The following CYB5R4 variants were observed in gnomAD, a reference collection of about 807,000 sequenced individuals.
CYB5R4 encodes the protein cytochrome b5 reductase 4.
CYB5R4 carries 55 observed loss-of-function variants against 70.2 expected under a neutral mutation model. The ratio of observed to expected loss-of-function variants is 0.78; its 90% confidence interval spans 0.63 to 0.98. CYB5R4 has a LOEUF of 0.98. CYB5R4 is among the 50% of genes least tolerant of loss of function. The pLI is 0.00. For synonymous variants in CYB5R4, 197 were observed against 199.5 expected (o/e 0.99, Z 0.11); for missense variants, 562 against 612.6 (o/e 0.92, Z 0.87).
At position 83,935,783 on chromosome 6, in the gene CYB5R4, C is replaced by T. The variant is rs61756896; in HGVS notation, c.956-441C>T. Among the ~76,000 whole-genome samples the T allele has an allele frequency of 4.2e-3, 635 of 151,968 alleles. 6 individuals carry two copies. Among genetic ancestry groups the T allele is most frequent in the African/African-American group, 0.015 (603 of 41,452 alleles). On this transcript the variant is annotated intron_variant, in intron 11 of 15. Transcript: ENST00000369681. ...AAAGTGAAATTTCTTCCTTTTTCTCCGCCAAATGATCCCATTGGTCATCAG... is the reference window on the plus strand; with the variant it reads ...AAAGTGAAATTTCTTCCTTTTTCTCTGCCAAATGATCCCATTGGTCATCAG...
At position 83,934,604 on chromosome 6, in the gene CYB5R4, A is replaced by G; in HGVS notation, c.824A>G (p.Tyr275Cys). ...ATGAATCACTTTTTAGGTTTGTACT[A>G]CAGAAAGTGCCAGTTAATTTCCAAG... ...LIPRKDTGLY[Y>C]RKCQLISKED... is the part of the protein sequence containing the mutation. Residue 275 changes from tyrosine (Y) to cysteine (C), a missense_variant, in exon 11 of 16, where the codon TAC (tyrosine) becomes TGC (cysteine). Physicochemically the swap from Tyr to Cys is radical, Grantham distance 194. Coordinates refer to ENST00000369681, the MANE Select transcript of CYB5R4 (RefSeq NM_016230.4). The G allele has an allele frequency of 6.2e-7, 1 of 1,609,402 alleles. No individual in the cohort carries two copies. The highest frequency in any genetic ancestry group is 8.5e-7 in the Non-Finnish European group (1 of 1,176,320).
intron 12 of CYB5R4, among the ~76,000 whole-genome samples, chr6:83,938,975 C>A (rs2099469344): frequency 6.6e-6 from 1 of 152,000 alleles, no homozygotes; most frequent in Non-Finnish European, 1.5e-5. Flanking sequence ...GATGGGATTA[C>A]AGGCATGTGC....
At chr6:83,879,042 G>A (rs2099459043) in intron 2 of CYB5R4, among the ~76,000 whole-genome samples, 1 of 152,078 alleles carries the variant, frequency 6.6e-6, no homozygotes, top group South Asian at 2.1e-4. Flanking sequence ...TTGTAGTGGG[G>A]GCAGAAGGGG....
At chr6:83,885,157 G>T (rs757750512) in intron 2 of CYB5R4, among the ~76,000 whole-genome samples, 1 of 152,130 alleles carries the variant, frequency 6.6e-6, no homozygotes, top group Non-Finnish European at 1.5e-5. Context: ...AAATAGAAAA[G>T]TAGCATTGTT....
intron 3 of CYB5R4, among the ~76,000 whole-genome samples, chr6:83,899,090 T>G (rs1326115434): frequency 6.6e-6 from 1 of 152,186 alleles, no homozygotes; most frequent in Non-Finnish European, 1.5e-5. Context: ...AGTATGATAT[T>G]GGCTGTGGGT....
At chr6:83,859,917 T>C (rs2099455672) in intron 1 of CYB5R4, 60 bp downstream of exon 1, 2 of 1,484,798 alleles carry the variant, frequency 1.3e-6, no homozygotes, top group Non-Finnish European at 1.8e-6. Flanking sequence ...GGCAGTGTGT[T>C]CTCTTCTTCC....
chr6:83,949,454 C>T (rs986196655), intron 14 of CYB5R4, among the ~76,000 whole-genome samples: 2 of 152,132 alleles, frequency 1.3e-5, no homozygotes, highest in African/African-American at 4.8e-5. Context: ...TCTTGACCCT[C>T]TCTATATCAC....
chr6:83,958,449 C>A (rs1319219209), intron 15 of CYB5R4, among the ~76,000 whole-genome samples: 1 of 152,136 alleles, frequency 6.6e-6, no homozygotes, highest in African/African-American at 2.4e-5. Flanking sequence ...TCAAAAAAGT[C>A]ATGTGCACAG....
At chr6:83,950,823 A>T (rs865964045) in intron 14 of CYB5R4, among the ~76,000 whole-genome samples, 8 of 152,274 alleles carry the variant, frequency 5.3e-5, no homozygotes, top group Middle Eastern at 3.4e-3. Flanking sequence ...TCATATGCAT[A>T]CCTACCTTTT....
At chr6:83,864,840 A>C (rs2099456495) in intron 2 of CYB5R4, among the ~76,000 whole-genome samples, 1 of 152,204 alleles carries the variant, frequency 6.6e-6, no homozygotes, top group Non-Finnish European at 1.5e-5. Flanking sequence ...AGAGTGCATT[A>C]GAAACTCCAA....
intron 14 of CYB5R4, among the ~76,000 whole-genome samples, chr6:83,953,358 CAT>C (rs1413465570): frequency 1.3e-5 from 2 of 151,280 alleles, no homozygotes; most frequent in Non-Finnish European, 2.9e-5. Context: ...ATTATGGAAA[CAT>C]ATATAATTAT....
At chr6:83,898,438 G>C (rs1165968735) in intron 3 of CYB5R4, among the ~76,000 whole-genome samples, 1 of 152,088 alleles carries the variant, frequency 6.6e-6, no homozygotes, top group African/African-American at 2.4e-5. Flanking sequence ...GATTGACTTG[G>C]CAATGTGGGC....
At chr6:83,913,603 G>A (rs2099465035) in intron 4 of CYB5R4, among the ~76,000 whole-genome samples, 1 of 152,036 alleles carries the variant, frequency 6.6e-6, no homozygotes, top group South Asian at 2.1e-4. Context: ...AATTAATTAT[G>A]GAATTTCTGG....
At position 83,859,790 on chromosome 6, in the gene CYB5R4, A is replaced by G; in HGVS notation, c.8A>G (p.Asn3Ser). The stretch of plus-strand genomic sequence containing the variant: ...CGGGGCCGGGGTTTGAAGATGCTGA[A>G]CGTCCCTTCCCAGTCTTTCCCGGCC... Reference protein sequence around the residue: MLNVPSQSFPAPR... With the variant: MLSVPSQSFPAPR... The change falls in exon 1 of 16, where the codon AAC becomes AGC. Residue 3 changes from asparagine to serine, a missense_variant. Physicochemically the swap from Asn to Ser is conservative, Grantham distance 46. Coordinates refer to ENST00000369681, the MANE Select transcript of CYB5R4 (RefSeq NM_016230.4). 1 of 1,613,350 alleles carries G rather than the reference A, an allele frequency of 6.2e-7. No homozygotes were observed. Among genetic ancestry groups the G allele is most frequent in the Non-Finnish European group, 8.5e-7 (1 of 1,179,800 alleles).
intron 3 of CYB5R4, among the ~76,000 whole-genome samples, chr6:83,902,590 A>T (rs2099463156): frequency 6.6e-6 from 1 of 152,050 alleles, no homozygotes. Context: ...GATTGCATTG[A>T]TTCTGCATAT....
At chr6:83,959,001 G>A (rs2099472885) in intron 15 of CYB5R4, among the ~76,000 whole-genome samples, 1 of 152,028 alleles carries the variant, frequency 6.6e-6, no homozygotes, top group African/African-American at 2.4e-5. Context: ...AATCGTAGGG[G>A]AATCAACTCC....
chr6:83,910,236 A>G, intron 4 of CYB5R4: 1 of 1,126,134 alleles, frequency 8.9e-7, no homozygotes, highest in South Asian at 1.5e-5. Context: ...TTGTAAAGTC[A>G]GTCAAAGTTC....
chr6:83,944,234 C>A (rs1392913326), intron 14 of CYB5R4, among the ~76,000 whole-genome samples: 4 of 152,190 alleles, frequency 2.6e-5, no homozygotes, highest in African/African-American at 9.7e-5. Context: ...AACAGGGGAT[C>A]TCTCTGCAGA....
intron 14 of CYB5R4, among the ~76,000 whole-genome samples, chr6:83,947,824 ACCAT>A (rs2099470868): frequency 6.6e-6 from 1 of 152,212 alleles, no homozygotes; most frequent in Non-Finnish European, 1.5e-5. Context: ...ACAATGAGAT[ACCAT>A]CTCACATCAT....
Sources: gnomAD v4.1 joint callset for allele counts (sites outside exome capture counted in the v4.1 genomes callset) on GRCh38, gnomAD v4.1.1 for gene constraint, MANE v1.5 for transcripts, NCBI Gene and HGNC (gene_info 2026-07-23, HGNC 2026-07-21) for gene names.